ZNF181: variants seen among roughly 807,000 people sequenced by gnomAD.
ZNF181 encodes the protein zinc finger protein 181 (HHZ181).
ZNF181 carries 8 observed loss-of-function variants against 11.9 expected under a neutral mutation model. The ratio of observed to expected loss-of-function variants is 0.67; its 90% CI spans 0.39 to 1.21. The LOEUF (loss-of-function observed/expected upper bound fraction) is 1.21. Among genes scored for constraint, ZNF181 ranks in the 50% most tolerant of loss-of-function variants. The pLI is 0.01. For missense variants in ZNF181, 542 were observed against 670.9 expected, an observed-to-expected ratio of 0.81 and a Z score of 2.12; for synonymous variants, 202 against 221.1, an observed-to-expected ratio of 0.91 and a Z score of 0.77.
rs774033610 is a variant in ZNF181, at chr19:34,740,886, A to G, written c.505A>G (p.Thr169Ala). 17 of 1,614,042 alleles carry G rather than the reference A, an allele frequency of 1.1e-5. No homozygotes were observed. The highest frequency in any genetic ancestry group is 2.2e-5 in the South Asian group (2 of 91,078). The change falls in exon 4 of 4, where the codon ACT becomes GCT. Residue 169 changes from threonine to alanine, a missense_variant. Physicochemically the swap from Thr to Ala is moderately conservative, Grantham distance 58. Transcript: ENST00000492450. ...TAGAAGCACCTTTCATTCAAAGTCT[A>G]CTCTTTCTGAACCACAAAAAATTTC... ...IFRSTFHSKS[T>A]LSEPQKISAE...
Position 34,740,984 on chromosome 19 carries a change from G to A in ZNF181, c.603G>A (p.Glu201=). The part of the protein sequence containing the change: ...NLPKKSVIKN[E]KVNGGKKLLN... ...CAAAAAAGTCAGTTATAAAAAATGA[G>A]AAAGTCAATGGTGGAAAGAAACTTT... The change falls in exon 4 of 4, where the codon GAG becomes GAA. Residue 201 remains glutamate (E), a synonymous_variant. Transcript: ENST00000492450. The A allele has an allele frequency of 1.2e-6, 2 of 1,614,048 alleles. No homozygotes were observed. The highest frequency in any genetic ancestry group is 1.7e-6 in the Non-Finnish European group (2 of 1,179,982).
At chr19:34,737,752 G>A (rs2068908554) in intron 1 of ZNF181, among the ~76,000 whole-genome samples, 1 of 152,204 alleles carries the variant, frequency 6.6e-6, no homozygotes, top group South Asian at 2.1e-4. Flanking sequence ...GTTTGGGGGT[G>A]AAACTGTTTC....
intron 1 of ZNF181, among the ~76,000 whole-genome samples, chr19:34,736,748 G>C (rs1476042326): frequency 1.3e-5 from 2 of 152,080 alleles, no homozygotes; most frequent in Admixed American, 1.3e-4. Context: ...TTGCCTAGTG[G>C]CTACTGTATT....
Position 34,740,908 on chromosome 19 carries a change from T to A in ZNF181, c.527T>A (p.Ile176Asn), listed in dbSNP as rs771789443. 16 of 1,613,806 alleles carry A rather than the reference T, an allele frequency of 9.9e-6. No homozygotes were observed. In the East Asian group the frequency reaches 2.5e-4, roughly 25 times the overall value. Reference sequence around the variant, plus strand: ...TCTACTCTTTCTGAACCACAAAAAATTTCTGCTGAAGGGAATTCACACAAA... The same window carrying A: ...TCTACTCTTTCTGAACCACAAAAAAATTCTGCTGAAGGGAATTCACACAAA... ...SKSTLSEPQK[I>N]SAEGNSHKYD... The change falls in exon 4 of 4, where the codon ATT becomes AAT. Residue 176 changes from isoleucine to asparagine, a missense_variant. By Grantham distance (149) the Ile-to-Asn change is moderately radical (BLOSUM62 -3). Coordinates refer to ENST00000492450, the MANE Select transcript of ZNF181 (RefSeq NM_001029997.4).
rs1382122373 is a variant in ZNF181 at position 34,743,013 on chromosome 19, TCA to T, written c.*917_*918del. 6.6e-6 allele frequency: 1 copy of T among 152,206 alleles called. No homozygotes were observed. Among genetic ancestry groups the T allele is most frequent in the Non-Finnish European group, 1.5e-5 (1 of 68,020 alleles). 9.4% of individuals were successfully genotyped at this position (152,206 alleles called of 1,614,324 possible). ...ATAGCAGTATTTTGATGAGGATTAT[TCA>T]GAGTCAATTTCCAGTAGGCTTAATC... On this transcript the variant is annotated 3_prime_UTR_variant, in exon 4 of 4. Coordinates refer to ENST00000492450, the MANE Select transcript of ZNF181 (RefSeq NM_001029997.4).
rs564640780 is a variant in ZNF181 at position 34,743,026 on chromosome 19, C to T, written c.*929C>T. 1.3e-5 allele frequency: 2 copies of T among 152,142 alleles called. No individual in the cohort carries two copies. The highest frequency in any genetic ancestry group is 2.9e-5 in the Non-Finnish European group (2 of 68,020). The allele number at this position is 152,142 out of a possible 1,614,324, so 9.4% of individuals were successfully genotyped here. On this transcript the variant is annotated 3_prime_UTR_variant, in exon 4 of 4. Transcript: ENST00000492450. Reference sequence around the variant, plus strand: ...GATGAGGATTATTCAGAGTCAATTTCCAGTAGGCTTAATCAAATACATTTC... The same window carrying T: ...GATGAGGATTATTCAGAGTCAATTTTCAGTAGGCTTAATCAAATACATTTC...
intron 1 of ZNF181, among the ~76,000 whole-genome samples, chr19:34,737,236 C>G (rs539456199): frequency 1.3e-5 from 2 of 152,264 alleles, no homozygotes; most frequent in South Asian, 4.1e-4. Flanking sequence ...GGATTTTCTG[C>G]CATTGGCAGG....
intron 1 of ZNF181, among the ~76,000 whole-genome samples, chr19:34,735,313 T>C (rs1384651588): frequency 1.3e-5 from 2 of 152,236 alleles, no homozygotes; most frequent in African/African-American, 2.4e-5. Flanking sequence ...AACTTTGGAA[T>C]GTAAGGTTAT....
In ZNF181 at chr19:34,742,271, T is replaced by G. The variant is rs2068992744; in HGVS notation, c.*174T>G. On this transcript the variant is annotated 3_prime_UTR_variant, in exon 4 of 4. Coordinates refer to ENST00000492450, the MANE Select transcript of ZNF181 (RefSeq NM_001029997.4). ...AGAGAAATCATATGAAGACCATAAA[T>G]GTGGGAAAGCCTTTGTCAGTATTAA... 1 of 560,508 alleles carries G rather than the reference T, an allele frequency of 1.8e-6. No individual in the cohort carries two copies. Among genetic ancestry groups the G allele is most frequent in the South Asian group, 3.7e-5 (1 of 27,098 alleles). The allele number at this position is 560,508 out of a possible 1,614,324, so 34.7% of individuals were successfully genotyped here.
intron 3 of ZNF181, 92 bp from the exon 4 acceptor site, chr19:34,740,519 C>G: frequency 7.7e-7 from 1 of 1,302,932 alleles, no homozygotes; most frequent in South Asian, 1.5e-5. Context: ...GGCTTCATTT[C>G]TAATCCAGTT....
Position 34,734,602 on chromosome 19 carries a change from CG to C in ZNF181, c.-435del, listed in dbSNP as rs1436278458. The C allele has an allele frequency of 6.2e-6, 1 of 160,972 alleles. No homozygotes were observed. The highest frequency in any genetic ancestry group is 1.4e-5 in the Non-Finnish European group (1 of 73,746). 10.0% of individuals were successfully genotyped at this position (160,972 alleles called of 1,614,324 possible). A position where few individuals can be genotyped will look rare whatever the true frequency, so the allele number is the denominator to read the frequency against. ...TTGGGTTATGTCGTCATGAAGCCGG[CG>C]CTCTACAGTTGTGTAACCTTGAACA... On this transcript the variant is annotated 5_prime_UTR_variant, in exon 1 of 4. The change creates a premature stop within an existing upstream ORF in the 5' untranslated region. Coordinates refer to ENST00000492450, the MANE Select transcript of ZNF181 (RefSeq NM_001029997.4).
Position 34,741,550 on chromosome 19 carries a change from C to T in ZNF181, c.1169C>T (p.Ser390Leu). ...RECGKAFCCS[S>L]HLTRHQRIHT... ...TGTGGGAAAGCTTTCTGCTGTAGCT[C>T]ACACCTTACTCGACATCAAAGAATT... The change falls in exon 4 of 4, where the codon TCA becomes TTA. Residue 390 changes from serine to leucine, a missense_variant. Physicochemically the swap from Ser to Leu is moderately radical, Grantham distance 145. Coordinates refer to ENST00000492450, the MANE Select transcript of ZNF181 (RefSeq NM_001029997.4). 6.2e-7 allele frequency: 1 copy of T among 1,614,014 alleles called. No homozygotes were observed. Among genetic ancestry groups the T allele is most frequent in the Non-Finnish European group, 8.5e-7 (1 of 1,179,974 alleles).
intron 1 of ZNF181, among the ~76,000 whole-genome samples, chr19:34,735,424 C>T (rs2068873038): frequency 6.6e-6 from 1 of 152,170 alleles, no homozygotes; most frequent in Non-Finnish European, 1.5e-5. Context: ...TATTCAGATC[C>T]TCTAGTTGGA....
chr19:34,741,696 A>C lies in ZNF181; in HGVS notation c.1315A>C (p.Arg439=). The C allele has an allele frequency of 6.2e-7, 1 of 1,613,868 alleles. No individual in the cohort carries two copies. The highest frequency in any genetic ancestry group is 8.5e-7 in the Non-Finnish European group (1 of 1,179,848). The change falls in exon 4 of 4, where the codon AGG becomes CGG. Residue 439 remains arginine (R), a synonymous_variant. Transcript: ENST00000492450. ...EEKPFECQKC[R]KSFNQLESLN... ...AAAACCCTTTGAATGTCAGAAATGCAGGAAATCCTTCAACCAGCTTGAATC... is the reference window on the plus strand; with the variant it reads ...AAAACCCTTTGAATGTCAGAAATGCCGGAAATCCTTCAACCAGCTTGAATC...
rs757697076 is a variant in ZNF181 at position 34,735,056 on chromosome 19, T to C, written c.9+10T>C. On this transcript the variant is annotated intron_variant, in intron 1 of 3. Transcript: ENST00000492450. ...CAGAGTAATGCCTCAGGTAGGTCGG[T>C]GTGTCCGCAAATCTTCCTGAAACAC... is the stretch of plus-strand genomic sequence containing the variant. 9.5e-6 allele frequency: 15 copies of C among 1,571,690 alleles called. No homozygotes were observed. Among genetic ancestry groups the C allele is most frequent in the Non-Finnish European group, 1.2e-5 (14 of 1,157,986 alleles).
At position 34,741,915 on chromosome 19, in the gene ZNF181, A is replaced by G. The variant is rs753694036; in HGVS notation, c.1534A>G (p.Thr512Ala). Residue 512 changes from threonine (T) to alanine (A), a missense_variant, in exon 4 of 4, where the codon ACT becomes GCT. By Grantham distance (58) the Thr-to-Ala change is moderately conservative (BLOSUM62 0). Transcript: ENST00000492450. ...SNLTVHQRIHTGEKPYKCNEC... is the reference protein window; with the variant it reads ...SNLTVHQRIHAGEKPYKCNEC... ...CCTTACCGTACATCAGAGAATTCACACTGGAGAAAAGCCATATAAATGTAA... is the reference window on the plus strand; with the variant it reads ...CCTTACCGTACATCAGAGAATTCACGCTGGAGAAAAGCCATATAAATGTAA... 11 of 1,613,776 alleles carry G rather than the reference A, an allele frequency of 6.8e-6. No individual in the cohort carries two copies. In the East Asian group the frequency reaches 2.2e-4, roughly 33 times the overall value.
chr19:34,742,048 A>C lies in ZNF181; in HGVS notation c.1667A>C (p.Tyr556Ser), dbSNP rs373027001. The stretch of plus-strand genomic sequence containing the variant: ...GTAAGTGTGGAAAAGCCTTTAGACT[A>C]TATGAATCACTATACATGTGAGAAA... ...SVVSVEKPLD[Y>S]MNHYTCEKSY... The change falls in exon 4 of 4, where the codon TAT (tyrosine) becomes TCT (serine). Residue 556 changes from tyrosine to serine, a missense_variant. Coordinates refer to ENST00000492450, the MANE Select transcript of ZNF181 (RefSeq NM_001029997.4). 79 of 1,606,736 alleles carry C rather than the reference A, an allele frequency of 4.9e-5. No homozygotes were observed. In the African/African-American group the frequency reaches 9.9e-4, roughly 20 times the overall value.
chr19:34,741,916 C>T lies in ZNF181; in HGVS notation c.1535C>T (p.Thr512Ile). 3 of 1,613,814 alleles carry T rather than the reference C, an allele frequency of 1.9e-6. No individual in the cohort carries two copies. The highest frequency in any genetic ancestry group is 1.1e-5 in the South Asian group (1 of 91,054). The stretch of plus-strand genomic sequence containing the variant: ...CTTACCGTACATCAGAGAATTCACA[C>T]TGGAGAAAAGCCATATAAATGTAAT... ...SNLTVHQRIH[T>I]GEKPYKCNEC... Residue 512 changes from threonine (T) to isoleucine (I), a missense_variant, in exon 4 of 4, where the codon ACT becomes ATT. Coordinates refer to ENST00000492450, the MANE Select transcript of ZNF181 (RefSeq NM_001029997.4).
chr19:34,744,066 A>G lies in ZNF181; in HGVS notation c.*1969A>G, dbSNP rs2145435077. The stretch of plus-strand genomic sequence containing the variant: ...TTTGTTCTTTATCTCAGGTGAGAGT[A>G]GTAAGATATGTTATTTTAAAAAGGA... On this transcript the variant is annotated 3_prime_UTR_variant, in exon 4 of 4. Transcript: ENST00000492450. 1 of 152,328 alleles carries G rather than the reference A, an allele frequency of 6.6e-6. No individual in the cohort carries two copies. Among genetic ancestry groups the G allele is most frequent in the South Asian group, 2.1e-4 (1 of 4,824 alleles). 9.4% of individuals were successfully genotyped at this position (152,328 alleles called of 1,614,324 possible).
Sources: gnomAD v4.1 joint callset for allele counts (sites outside exome capture counted in the v4.1 genomes callset) on GRCh38, gnomAD v4.1.1 for gene constraint, MANE v1.5 for transcripts, NCBI Gene and HGNC (gene_info 2026-07-23, HGNC 2026-07-21) for gene names.